The following RPS3 variants were observed in gnomAD, a reference collection of about 807,000 sequenced individuals.
The protein encoded by RPS3 is small ribosomal subunit protein uS3.
In RPS3, 2 loss-of-function variants were observed where a neutral mutation model predicts 25.8. That is an observed-to-expected ratio of 0.08 (90% CI 0.03 to 0.24). RPS3 has a LOEUF of 0.24. Among genes scored for constraint, RPS3 ranks in the 10% least tolerant of loss-of-function variants. RPS3 has a pLI of 1.00. For missense variants in RPS3, 107 were observed against 307.1 expected, an observed-to-expected ratio of 0.35 and a Z score of 4.87; for synonymous variants, 114 against 114.2, an observed-to-expected ratio of 1.00 and a Z score of 0.01.
At chr11:75,417,361 G>A (rs1948408111) in intron 6 of RPS3, among the ~76,000 whole-genome samples, 1 of 152,116 alleles carries the variant, frequency 6.6e-6, no homozygotes, top group East Asian at 1.9e-4. Context: ...ACTTTGGGAG[G>A]CCGAGCCAGG....
chr11:75,409,970 G>T (rs1948330568), downstream of RPS3, among the ~76,000 whole-genome samples: 3 of 146,682 alleles, frequency 2.0e-5, no homozygotes, highest in South Asian at 6.4e-4. Flanking sequence ...CCCGGACGGG[G>T]CGGCTGGCCG....
Position 75,399,535 on chromosome 11 carries a change from G to T in RPS3, c.-13G>T, listed in dbSNP as rs1315659461. The stretch of plus-strand genomic sequence containing the variant: ...AGCCACTTCCTTTCCTTTCAGCGGA[G>T]CGCGGCGGCAAGATGGCAGTGCAAA... On this transcript the variant is annotated 5_prime_UTR_variant, in exon 1 of 7. Coordinates refer to ENST00000531188, the MANE Select transcript of RPS3 (RefSeq NM_001005.5). 3.7e-6 allele frequency: 6 copies of T among 1,613,964 alleles called. 1 individual carries two copies. The South Asian group carries it at 6.6e-5, about 18-fold the overall frequency.
intron 4 of RPS3, 37 bp downstream of exon 4, chr11:75,402,483 T>C: frequency 6.3e-7 from 1 of 1,579,068 alleles, no homozygotes; most frequent in Non-Finnish European, 8.7e-7. Flanking sequence ...TGACCTTTTG[T>C]GTGTATCAAC....
chr11:75,402,207 C>A, intron 3 of RPS3, 145 bp from the exon 4 acceptor site: 1 of 1,214,570 alleles, frequency 8.2e-7, no homozygotes, highest in Non-Finnish European at 1.2e-6. Context: ...GGGCCACAAT[C>A]AAAGCCATCT....
Position 75,405,799 on chromosome 11 carries a change from A to AC in RPS3, c.*190dup. 3.0e-6 allele frequency: 1 copy of AC among 334,780 alleles called. No homozygotes were observed. The highest frequency in any genetic ancestry group is 5.9e-6 in the Non-Finnish European group (1 of 169,202). The allele number at this position is 334,780 out of a possible 1,614,324, so 20.7% of individuals were successfully genotyped here. A position where few individuals can be genotyped will look rare whatever the true frequency, so the allele number is the denominator to read the frequency against. On this transcript the variant is annotated 3_prime_UTR_variant, in exon 7 of 7. Coordinates refer to ENST00000531188, the MANE Select transcript of RPS3 (RefSeq NM_001005.5). Reference sequence around the variant, plus strand: ...ACTTGTGGTATTTGCAAGGGCCAGAACAGTAAGACCCAAGCAGAGCCAACC... The same window carrying AC: ...ACTTGTGGTATTTGCAAGGGCCAGAACCAGTAAGACCCAAGCAGAGCCAACC...
chr11:75,408,894 A>C (rs1948315031), downstream of RPS3, among the ~76,000 whole-genome samples: 1 of 152,190 alleles, frequency 6.6e-6, no homozygotes, highest in African/African-American at 2.4e-5. Context: ...TCAGGTGAGC[A>C]CTTGGTAACC....
rs1158403844 is a variant in RPS3, at chr11:75,405,692, A to G, written c.*82A>G. The G allele has an allele frequency of 2.2e-6, 1 of 455,902 alleles. No individual in the cohort carries two copies. The allele number at this position is 455,902 out of a possible 1,614,324, so 28.2% of individuals were successfully genotyped here. A position where few individuals can be genotyped will look rare whatever the true frequency, so the allele number is the denominator to read the frequency against. ...TAATAAAATTTTGTACAAAGACACA[A>G]GGTCTGACTAGACTGTTCAGTATTC... On this transcript the variant is annotated 3_prime_UTR_variant, in exon 7 of 7. Transcript: ENST00000531188.
chr11:75,417,241 G>A (rs1191466476), intron 6 of RPS3, among the ~76,000 whole-genome samples: 1 of 151,882 alleles, frequency 6.6e-6, no homozygotes, highest in Non-Finnish European at 1.5e-5. Context: ...AGGCCGAAAT[G>A]GGAGAATCAT....
chr11:75,405,857 G>A lies in RPS3; in HGVS notation c.*247G>A, dbSNP rs17881991. 591 of 254,690 alleles carry A rather than the reference G, an allele frequency of 2.3e-3. 1 individual carries two copies. Among genetic ancestry groups the A allele is most frequent in the Non-Finnish European group, 3.8e-3 (481 of 126,026 alleles). 15.8% of individuals were successfully genotyped at this position (254,690 alleles called of 1,614,324 possible). A position where few individuals can be genotyped will look rare whatever the true frequency, so the allele number is the denominator to read the frequency against. On this transcript the variant is annotated 3_prime_UTR_variant, in exon 7 of 7. Coordinates refer to ENST00000531188, the MANE Select transcript of RPS3 (RefSeq NM_001005.5). Reference sequence around the variant, plus strand: ...TAATATTTGTGTGATAGAGAAGGCTGATAGCAAGCAAGGCAGCACCTTGAT... The same window carrying A: ...TAATATTTGTGTGATAGAGAAGGCTAATAGCAAGCAAGGCAGCACCTTGAT...
At chr11:75,414,642 A>G (rs1948382636) in intron 6 of RPS3, among the ~76,000 whole-genome samples, 1 of 152,098 alleles carries the variant, frequency 6.6e-6, no homozygotes, top group Non-Finnish European at 1.5e-5. Flanking sequence ...AAAAAAGGTT[A>G]TTCTCAGGCT....
At chr11:75,412,776 T>G (rs552432564) in intron 6 of RPS3, among the ~76,000 whole-genome samples, 8 of 152,318 alleles carry the variant, frequency 5.3e-5, no homozygotes, top group African/African-American at 1.9e-4. Flanking sequence ...TTTTTATTTT[T>G]ATTTTATTTA....
chr11:75,404,912 C>A lies in RPS3; in HGVS notation c.*3+44C>A, dbSNP rs1248373246. On this transcript the variant is annotated intron_variant, in intron 6 of 6. Coordinates refer to ENST00000531188, the MANE Select transcript of RPS3 (RefSeq NM_001005.5). This position sits in a 1 kb window ranked among gnomAD's most constrained non-coding sequence, Gnocchi z 4.6. Reference sequence around the variant, plus strand: ...GGGCCTCTTGGGGCATAATAGGGTCCTTCCGAGTCTTTCTGTTAATACTTG... The same window carrying A: ...GGGCCTCTTGGGGCATAATAGGGTCATTCCGAGTCTTTCTGTTAATACTTG... 1.5e-6 allele frequency: 2 copies of A among 1,318,114 alleles called. No individual in the cohort carries two copies. The highest frequency in any genetic ancestry group is 2.4e-5 in the East Asian group (1 of 42,102). The allele number at this position is 1,318,114 out of a possible 1,614,324, so 81.7% of individuals were successfully genotyped here. A position where few individuals can be genotyped will look rare whatever the true frequency, so the allele number is the denominator to read the frequency against.
At chr11:75,405,491 C>G (rs538160013) in intron 6 of RPS3, 123 bp from the exon 7 acceptor site, 23 of 394,038 alleles carry the variant, frequency 5.8e-5, no homozygotes, top group African/African-American at 4.2e-4. Context: ...AAGGACAAAC[C>G]CTTATGTATG....
intron 1 of RPS3, 169 bp from the exon 2 acceptor site, chr11:75,400,524 AT>A (rs775553674): frequency 1.1e-6 from 1 of 928,576 alleles, no homozygotes; most frequent in Admixed American, 1.8e-5. Flanking sequence ...ACTTAGAGGC[AT>A]TTGTCTGAGA....
chr11:75,419,922 A>T (rs543522939), intron 6 of RPS3, among the ~76,000 whole-genome samples: 5 of 152,308 alleles, frequency 3.3e-5, no homozygotes, highest in South Asian at 2.1e-4. Flanking sequence ...TCATTTTTTT[A>T]AAAAATAAAT....
chr11:75,419,058 G>A (rs1948423757), intron 6 of RPS3, among the ~76,000 whole-genome samples: 1 of 152,222 alleles, frequency 6.6e-6, no homozygotes, highest in South Asian at 2.1e-4. Flanking sequence ...CAGCAATAGG[G>A]CCACTTTCCT....
chr11:75,405,016 T>G (rs1948265220), intron 6 of RPS3, 148 bp downstream of exon 6: 1 of 558,924 alleles, frequency 1.8e-6, no homozygotes, highest in African/African-American at 1.9e-5. Flanking sequence ...AGTTGAAACC[T>G]GGGGTCTATT....
Position 75,401,841 on chromosome 11 carries a change from T to TTC in RPS3, c.255+108_255+109insTC. Reference sequence around the variant, plus strand: ...TTTGTTCATTACAAATGGACTGGTATAACTGTTGAAATTCTCTTAATGAAT... The same window carrying TTC: ...TTTGTTCATTACAAATGGACTGGTATTCAACTGTTGAAATTCTCTTAATGAAT... On this transcript the variant is annotated intron_variant, in intron 3 of 6. Coordinates refer to ENST00000531188, the MANE Select transcript of RPS3 (RefSeq NM_001005.5). 5.7e-6 allele frequency: 4 copies of TTC among 702,984 alleles called. No individual in the cohort carries two copies. In the South Asian group the frequency reaches 6.6e-5, roughly 12 times the overall value. 43.5% of individuals were successfully genotyped at this position (702,984 alleles called of 1,614,324 possible). A position where few individuals can be genotyped will look rare whatever the true frequency, so the allele number is the denominator to read the frequency against.
At chr11:75,411,368 C>T (rs1948354565), downstream of RPS3, among the ~76,000 whole-genome samples, 1 of 151,774 alleles carries the variant, frequency 6.6e-6, no homozygotes, top group African/African-American at 2.4e-5. Flanking sequence ...AAAGTACTAG[C>T]AAGTATTTGT....
Sources: allele counts gnomAD v4.1 joint callset (sites outside exome capture counted in the v4.1 genomes callset), GRCh38; gene constraint gnomAD v4.1.1; non-coding constraint Gnocchi (gnomAD v3.1); transcripts MANE v1.5; gene names NCBI Gene and HGNC (gene_info 2026-07-23, HGNC 2026-07-21).